The following TENM3 variants were observed in gnomAD, a reference collection of about 807,000 sequenced individuals.
The protein encoded by TENM3 is teneurin transmembrane protein 3.
Under a neutral mutation model 255.1 loss-of-function variants are expected in TENM3, and 63 were observed. That is an observed-to-expected ratio of 0.25 (90% CI 0.20 to 0.30). TENM3 has a LOEUF of 0.30. TENM3 is among the 10% of genes least tolerant of loss of function. TENM3 has a pLI of 1.00. For missense variants in TENM3, 2,929 were observed against 3,461.1 expected, an observed-to-expected ratio of 0.85 and a Z score of 3.86; for synonymous variants, 1,306 against 1,322.3, an observed-to-expected ratio of 0.99 and a Z score of 0.27.
the TENM3 span, among the ~76,000 whole-genome samples, chr4:181,754,284 TCACACACACA>T: frequency 2.4e-4 from 34 of 144,608 alleles, no homozygotes; most frequent in African/African-American, 3.8e-4. Flanking sequence ...TATATCCCAG[TCACACACACA>T]CACACACACA....
intron 3 of TENM3, among the ~76,000 whole-genome samples, chr4:182,370,790 T>C (rs1427340128): frequency 6.6e-6 from 1 of 152,204 alleles, no homozygotes; most frequent in Non-Finnish European, 1.5e-5. Context: ...AGAAGTGATC[T>C]CTGCAAAACA....
At chr4:182,370,246 A>G (rs1024958085) in intron 3 of TENM3, among the ~76,000 whole-genome samples, 8 of 152,190 alleles carry the variant, frequency 5.3e-5, no homozygotes, top group African/African-American at 1.7e-4. Context: ...TTTAAGATTT[A>G]TTTTTTGCAT....
the TENM3 span, among the ~76,000 whole-genome samples, chr4:181,800,030 C>T: frequency 1.3e-5 from 2 of 152,100 alleles, no homozygotes; most frequent in South Asian, 4.1e-4. Flanking sequence ...AATGCAGACC[C>T]AGGATTGCCA....
chr4:181,947,757 T>A, the TENM3 span, among the ~76,000 whole-genome samples: 6,444 of 152,204 alleles, frequency 0.042, 136 homozygotes, highest in African/African-American at 0.049. Context: ...TGCTCTAACA[T>A]GTTGACCTTT....
At chr4:181,713,105 A>C in the TENM3 span, among the ~76,000 whole-genome samples, 18 of 152,352 alleles carry the variant, frequency 1.2e-4, no homozygotes, top group South Asian at 3.7e-3. Context: ...TTGTCCTCAC[A>C]TCTCATGGAC....
chr4:181,701,478 C>T, the TENM3 span, among the ~76,000 whole-genome samples: 5 of 152,030 alleles, frequency 3.3e-5, no homozygotes, highest in Admixed American at 6.6e-5. Context: ...TGTAGTCAGA[C>T]GAGGTAATAG....
At chr4:181,951,477 C>T in the TENM3 span, among the ~76,000 whole-genome samples, 12 of 152,124 alleles carry the variant, frequency 7.9e-5, no homozygotes, top group Admixed American at 2.0e-4. Context: ...TGGTGAGTAC[C>T]GTGTAGTTGT....
At chr4:181,501,357 G>GT in the TENM3 span, among the ~76,000 whole-genome samples, 7 of 151,472 alleles carry the variant, frequency 4.6e-5, no homozygotes, top group Non-Finnish European at 8.8e-5. Context: ...AATGGATTGG[G>GT]TTTTTTTCTT....
At chr4:181,555,425 T>C in the TENM3 span, among the ~76,000 whole-genome samples, 1 of 152,232 alleles carries the variant, frequency 6.6e-6, no homozygotes, top group African/African-American at 2.4e-5. Flanking sequence ...TGTTAATTCC[T>C]ATGATTTGCT....
At chr4:181,467,281 C>T in the TENM3 span, among the ~76,000 whole-genome samples, 1 of 150,210 alleles carries the variant, frequency 6.7e-6, no homozygotes, top group Non-Finnish European at 1.5e-5. Context: ...TTACAAGCGC[C>T]CGCCACTGTG....
chr4:181,463,754 C>T, the TENM3 span, among the ~76,000 whole-genome samples: 1 of 152,092 alleles, frequency 6.6e-6, no homozygotes, highest in Non-Finnish European at 1.5e-5. Flanking sequence ...AATTTTAAAA[C>T]ATTTGTATCA....
At chr4:181,555,097 A>T in the TENM3 span, among the ~76,000 whole-genome samples, 1 of 152,210 alleles carries the variant, frequency 6.6e-6, no homozygotes, top group Admixed American at 6.5e-5. Flanking sequence ...TGTTATTAAT[A>T]ATGACAATAA....
intron 1 of TENM3, among the ~76,000 whole-genome samples, chr4:182,268,420 C>A (rs1759383219): frequency 6.6e-6 from 1 of 152,152 alleles, no homozygotes; most frequent in South Asian, 2.1e-4. Flanking sequence ...AGTCTTCGTC[C>A]CTCTGCAACC....
chr4:182,134,476 C>A, the TENM3 span, among the ~76,000 whole-genome samples: 1 of 152,190 alleles, frequency 6.6e-6, no homozygotes, highest in Non-Finnish European at 1.5e-5. Context: ...TTTATAGACT[C>A]TTAGCTCATA....
chr4:181,568,433 C>A, the TENM3 span, among the ~76,000 whole-genome samples: 1 of 152,048 alleles, frequency 6.6e-6, no homozygotes, highest in Non-Finnish European at 1.5e-5. Flanking sequence ...CTCAGATGAT[C>A]CACCCCTCAT....
At chr4:182,152,645 A>G (rs779699878) in intron 1 of TENM3, among the ~76,000 whole-genome samples, 32 of 151,790 alleles carry the variant, frequency 2.1e-4, no homozygotes, top group Non-Finnish European at 2.8e-4. Flanking sequence ...TGCCAGTAAG[A>G]TTTTTTTCTT....
the TENM3 span, among the ~76,000 whole-genome samples, chr4:181,819,772 G>A: frequency 1.7e-3 from 256 of 152,296 alleles, 2 homozygotes; most frequent in Middle Eastern, 3.4e-3. Flanking sequence ...CTGACAGGAG[G>A]CGGAGCTCAG....
chr4:181,454,078 G>A, the TENM3 span, among the ~76,000 whole-genome samples: 1 of 152,234 alleles, frequency 6.6e-6, no homozygotes, highest in East Asian at 1.9e-4. Context: ...GACATTACCT[G>A]TTGCATATTA....
chr4:182,168,511 G>T (rs1487438964), intron 1 of TENM3, among the ~76,000 whole-genome samples: 1 of 152,018 alleles, frequency 6.6e-6, no homozygotes, highest in African/African-American at 2.4e-5. Context: ...TTTCACCCAG[G>T]CTTTGTGTTA....
Sources: gnomAD v4.1 joint callset for allele counts (sites outside exome capture counted in the v4.1 genomes callset) on GRCh38, gnomAD v4.1.1 for gene constraint, MANE v1.5 for transcripts, NCBI Gene and HGNC (gene_info 2026-07-23, HGNC 2026-07-21) for gene names.